DNAL1: variants seen among roughly 807,000 people sequenced by gnomAD.
The protein encoded by DNAL1 is dynein axonemal light chain 1, also known as chromosome 14 open reading frame 168.
Under a neutral mutation model 29.4 loss-of-function variants are expected in DNAL1, and 17 were observed. That is an observed-to-expected ratio of 0.58 (90% CI 0.40 to 0.87). The LOEUF is 0.87. Ranked by LOEUF, DNAL1 falls within the 40% of genes least tolerant of loss-of-function variation. The probability of loss-of-function intolerance (pLI) is 0.00; values close to 1 mark genes in which losing one functional copy is unlikely to be tolerated. For synonymous variants in DNAL1, 78 were observed against 76.3 expected (o/e 1.02, Z -0.12); for missense variants, 188 against 214.1 (o/e 0.88, Z 0.76).
rs2140074015 is a variant in DNAL1, at chr14:73,702,776, CT to C, written c.*6836del. ...AAATAGGGCTGTAGTGTAGTTTCTA[CT>C]TCTTATTCCAGTTGTTTGATTATGA... On this transcript the variant is annotated 3_prime_UTR_variant, in exon 8 of 8. Coordinates refer to ENST00000553645, the MANE Select transcript of DNAL1 (RefSeq NM_031427.4). 6.6e-6 allele frequency: 1 copy of C among 152,286 alleles called. No individual in the cohort carries two copies. The highest frequency in any genetic ancestry group is 1.5e-5 in the Non-Finnish European group (1 of 68,028). The allele number at this position is 152,286 out of a possible 1,614,324, so 9.4% of individuals were successfully genotyped here. A position where few individuals can be genotyped will look rare whatever the true frequency, so the allele number is the denominator to read the frequency against.
chr14:73,664,513 A>G (rs1225345800), intron 4 of DNAL1, among the ~76,000 whole-genome samples: 1 of 152,198 alleles, frequency 6.6e-6, no homozygotes, highest in African/African-American at 2.4e-5. Flanking sequence ...GCATTTATTA[A>G]TGCAATAATT....
intron 2 of DNAL1, 22 bp from the exon 3 acceptor site, chr14:73,658,825 T>C (rs1256888415): frequency 6.3e-7 from 1 of 1,576,148 alleles, no homozygotes; most frequent in Admixed American, 1.8e-5. Flanking sequence ...GGTTATTTCT[T>C]CCAAATGTAT....
At chr14:73,649,434 C>A (rs1160307343) in intron 1 of DNAL1, among the ~76,000 whole-genome samples, 2 of 151,712 alleles carry the variant, frequency 1.3e-5, no homozygotes, top group African/African-American at 2.4e-5. Flanking sequence ...AGGCGCCTGC[C>A]ACCACGCCCG....
At chr14:73,679,576 G>C (rs542623606) in intron 5 of DNAL1, among the ~76,000 whole-genome samples, 1 of 152,310 alleles carries the variant, frequency 6.6e-6, no homozygotes, top group South Asian at 2.1e-4. Flanking sequence ...CTTAAGTCAT[G>C]TTAGTCAGAC....
intron 4 of DNAL1, among the ~76,000 whole-genome samples, chr14:73,667,608 C>T (rs1891518101): frequency 6.6e-6 from 1 of 152,174 alleles, no homozygotes; most frequent in Non-Finnish European, 1.5e-5. Context: ...AAGCGATCCT[C>T]CCACCTCAGC....
At chr14:73,666,375 A>G (rs146489311) in intron 4 of DNAL1, among the ~76,000 whole-genome samples, 137 of 152,306 alleles carry the variant, frequency 9.0e-4, no homozygotes, top group African/African-American at 3.1e-3. Context: ...AATCTTAAAG[A>G]TTAGAAAATA....
At position 73,695,895 on chromosome 14, in the gene DNAL1, AT is replaced by A. The variant is rs750955458; in HGVS notation, c.533-3del. The A allele has an allele frequency of 6.4e-7, 1 of 1,574,130 alleles. No homozygotes were observed. Among genetic ancestry groups the A allele is most frequent in the Non-Finnish European group, 8.6e-7 (1 of 1,158,706 alleles). On this transcript the variant is annotated splice_polypyrimidine_tract_variant and splice_region_variant and intron_variant, in intron 7 of 7. Coordinates refer to ENST00000553645, the MANE Select transcript of DNAL1 (RefSeq NM_031427.4). ...ATAACCAGTAATAATTTTCTTTTTC[AT>A]TTTAGGTACTCCAGTAATTAAAGGG...
chr14:73,692,693 A>G (rs1013250218), intron 7 of DNAL1, among the ~76,000 whole-genome samples: 1 of 152,046 alleles, frequency 6.6e-6, no homozygotes, highest in Non-Finnish European at 1.5e-5. Context: ...TGGACCATGT[A>G]TTGACTTCAT....
At chr14:73,665,939 G>A (rs1355395490) in intron 4 of DNAL1, among the ~76,000 whole-genome samples, 1 of 152,128 alleles carries the variant, frequency 6.6e-6, no homozygotes, top group African/African-American at 2.4e-5. Context: ...AAACTTAGTG[G>A]AACGAATACC....
At chr14:73,656,096 G>T (rs1375979270) in intron 2 of DNAL1, among the ~76,000 whole-genome samples, 2 of 151,934 alleles carry the variant, frequency 1.3e-5, no homozygotes, top group Non-Finnish European at 2.9e-5. Flanking sequence ...TGTACCTTTT[G>T]CTTCTGTAAG....
At chr14:73,671,489 C>T (rs958318628) in intron 4 of DNAL1, 53 bp from the exon 5 acceptor site, 3 of 1,363,730 alleles carry the variant, frequency 2.2e-6, no homozygotes, top group South Asian at 1.8e-5. Flanking sequence ...AGATTTACAA[C>T]AATTGTGTAA....
intron 4 of DNAL1, among the ~76,000 whole-genome samples, chr14:73,670,631 A>G (rs1002371343): frequency 2.0e-5 from 3 of 152,022 alleles, no homozygotes; most frequent in Non-Finnish European, 4.4e-5. Flanking sequence ...CACGGTTTCT[A>G]CTTTCTTTTT....
chr14:73,691,207 G>T (rs1892163817), intron 7 of DNAL1, among the ~76,000 whole-genome samples: 1 of 151,480 alleles, frequency 6.6e-6, no homozygotes, highest in Non-Finnish European at 1.5e-5. Flanking sequence ...TGAACACATA[G>T]AGATAATCTA....
At position 73,691,521 on chromosome 14, in the gene DNAL1, C is replaced by T. The variant is rs144157116; in HGVS notation, c.532+2006C>T. ...CCAAGATGATGCCACTGCACTCCAG[C>T]CTGGGCAACAGAGTGAGACTCTGTC... On this transcript the variant is annotated intron_variant, in intron 7 of 7. Transcript: ENST00000553645. Among the ~76,000 whole-genome samples, 979 of 152,026 alleles carry T rather than the reference C, an allele frequency of 6.4e-3. 15 individuals carry two copies. Among genetic ancestry groups the T allele is most frequent in the African/African-American group, 0.022 (921 of 41,470 alleles).
chr14:73,687,485 CAGAG>C (rs1892047523), intron 6 of DNAL1, 100 bp downstream of exon 6: 6 of 1,329,140 alleles, frequency 4.5e-6, no homozygotes, highest in African/African-American at 4.5e-5. Flanking sequence ...TTTCTAAGCA[CAGAG>C]AGAAAGTGGA....
At chr14:73,652,959 C>T (rs1242704573) in intron 1 of DNAL1, among the ~76,000 whole-genome samples, 1 of 152,064 alleles carries the variant, frequency 6.6e-6, no homozygotes, top group Non-Finnish European at 1.5e-5. Context: ...AACAAAAATT[C>T]TCTCAAAAGG....
intron 7 of DNAL1, among the ~76,000 whole-genome samples, chr14:73,694,284 A>C (rs1566893254): frequency 1.4e-5 from 2 of 144,662 alleles, no homozygotes; most frequent in African/African-American, 2.6e-5. Context: ...ATAAATAAAT[A>C]AATAAAGTCT....
At chr14:73,671,247 T>C (rs78024900) in intron 4 of DNAL1, among the ~76,000 whole-genome samples, 2,368 of 152,298 alleles carry the variant, frequency 0.016, 73 homozygotes, top group African/African-American at 0.054. Flanking sequence ...TCTCTACTGC[T>C]ATTTTATCCT....
At position 73,662,807 on chromosome 14, in the gene DNAL1, C is replaced by CTT. The variant is rs61249050; in HGVS notation, c.208+783_208+784dup. Among the ~76,000 whole-genome samples the CTT allele has an allele frequency of 3.3e-3, 447 of 135,276 alleles. 13 individuals carry two copies. The East Asian group carries it at 0.059, about 18-fold the overall frequency. 88.7% of individuals were successfully genotyped at this position (135,276 alleles called of 152,430 possible). ...GATCCTTAATCATATCTGCAAAGTA[C>CTT]TTTTTTTTTTTTTTTTTTTGCCATA... On this transcript the variant is annotated intron_variant, in intron 4 of 7. Transcript: ENST00000553645.
Sources: gnomAD v4.1 joint callset for allele counts (sites outside exome capture counted in the v4.1 genomes callset) on GRCh38, gnomAD v4.1.1 for gene constraint, MANE v1.5 for transcripts, NCBI Gene and HGNC (gene_info 2026-07-23, HGNC 2026-07-21) for gene names.